NECAB2: variants seen among roughly 807,000 people sequenced by gnomAD.
NECAB2 encodes N-terminal EF-hand calcium binding protein 2, also known as N-terminal EF-hand calcium-binding protein 2.
In NECAB2, 68 loss-of-function variants were observed where a neutral mutation model predicts 51.9. That is an observed-to-expected ratio of 1.31 (90% CI 1.08 to 1.60). The LOEUF (loss-of-function observed/expected upper bound fraction) is 1.60. Among genes scored for constraint, NECAB2 ranks in the 40% most tolerant of loss-of-function variants. The probability of loss-of-function intolerance (pLI) is 0.00; values close to 1 mark genes in which losing one functional copy is unlikely to be tolerated. For missense variants in NECAB2, 854 were observed against 490.3 expected, an observed-to-expected ratio of 1.74 and a Z score of -7.00; for synonymous variants, 329 against 203.5, an observed-to-expected ratio of 1.62 and a Z score of -5.25.
In NECAB2 at chr16:83,994,397, A is replaced by T. The variant is rs1165737501; in HGVS notation, c.692A>T (p.Glu231Val). ...SAPNHKLMAM[E>V]QGKTLPSATE... ...CCCAACCACAAGCTCATGGCTATGG[A>T]ACAAGGCAAGACCCTTCCATCTGGT... Residue 231 changes from glutamate (E) to valine (V), a missense_variant, in exon 7 of 13, where the codon GAA (glutamate) becomes GTA (valine). Physicochemically the swap from Glu to Val is moderately radical, Grantham distance 121 (BLOSUM62 -2). Transcript: ENST00000305202. 4 of 1,614,054 alleles carry T rather than the reference A, an allele frequency of 2.5e-6. No homozygotes were observed. In the African/African-American group the frequency reaches 4.0e-5, roughly 16 times the overall value.
At position 83,989,316 on chromosome 16, in the gene NECAB2, C is replaced by T. The variant is rs73248803; in HGVS notation, c.460-1178C>T. 6.5e-3 allele frequency among the ~76,000 whole-genome samples: 983 copies of T among 152,312 alleles called. 7 individuals are homozygous for T. Among genetic ancestry groups the T allele is most frequent in the African/African-American group, 0.022 (902 of 41,566 alleles). On this transcript the variant is annotated intron_variant, in intron 5 of 12. Transcript: ENST00000305202. ...GGGTCTGTCCCCAGCAGACCCTGGT[C>T]TGGCTGTCGGCTTGGTGGCTTGGGT...
chr16:84,002,279 T>G, intron 12 of NECAB2, 39 bp from the exon 13 acceptor site: 1 of 1,612,048 alleles, frequency 6.2e-7, no homozygotes, highest in South Asian at 1.1e-5. Context: ...GCTGCCCACA[T>G]TCGCACTCCT....
intron 2 of NECAB2, 47 bp from the exon 3 acceptor site, chr16:83,978,397 C>T (rs1330939153): frequency 1.3e-6 from 2 of 1,543,082 alleles, no homozygotes; most frequent in Non-Finnish European, 1.8e-6. Context: ...CCCCACCAGC[C>T]TTATCTCTGC....
intron 5 of NECAB2, among the ~76,000 whole-genome samples, chr16:83,982,816 A>G (rs1414214637): frequency 1.3e-5 from 2 of 151,070 alleles, no homozygotes; most frequent in Admixed American, 1.3e-4. Context: ...CGTGGTGATG[A>G]TAGGTTGTTG....
chr16:83,974,365 T>G lies in NECAB2; in HGVS notation c.226+2190T>G, dbSNP rs919314133. Among the ~76,000 whole-genome samples, 335 of 152,270 alleles carry G rather than the reference T, an allele frequency of 2.2e-3. 3 individuals are homozygous for G. Among genetic ancestry groups the G allele is most frequent in the Non-Finnish European group, 1.6e-4 (11 of 68,022 alleles). ...CCTCAGAGGGCTGTCTGAGGATAGA[T>G]AGTTGCTCTCCTGGCTTCGCTCATT... On this transcript the variant is annotated intron_variant, in intron 2 of 12. Transcript: ENST00000305202.
chr16:83,985,728 G>A (rs576234309), intron 5 of NECAB2, among the ~76,000 whole-genome samples: 1 of 152,060 alleles, frequency 6.6e-6, no homozygotes, highest in East Asian at 1.9e-4. Flanking sequence ...AGCCTGTTAT[G>A]TTCTCATTTA....
chr16:83,986,499 C>G (rs749718329), intron 5 of NECAB2, among the ~76,000 whole-genome samples: 1 of 152,100 alleles, frequency 6.6e-6, no homozygotes, highest in Non-Finnish European at 1.5e-5. Flanking sequence ...GAGTGCCAGA[C>G]AAACTTCCTG....
Position 83,978,488 on chromosome 16 carries a change from G to C in NECAB2, c.271G>C (p.Asp91His), listed in dbSNP as rs1225534605. The change falls in exon 3 of 13, where the codon GAT becomes CAT. Residue 91 changes from aspartate (D) to histidine (H), a missense_variant. Coordinates refer to ENST00000305202, the MANE Select transcript of NECAB2 (RefSeq NM_019065.3). Reference sequence around the variant, plus strand: ...GGAGGAATTCCAGCTCTTCTTTGCAGATGGCGTCCTTAATGAGAAAGAACT... The same window carrying C: ...GGAGGAATTCCAGCTCTTCTTTGCACATGGCGTCCTTAATGAGAAAGAACT... ...SLEEFQLFFA[D>H]GVLNEKELED... is the part of the protein sequence containing the mutation. 6.2e-7 allele frequency: 1 copy of C among 1,614,028 alleles called. No homozygotes were observed. Among genetic ancestry groups the C allele is most frequent in the Admixed American group, 1.7e-5 (1 of 59,994 alleles).
At chr16:83,979,656 C>T (rs11641413) in intron 3 of NECAB2, among the ~76,000 whole-genome samples, 8,745 of 146,040 alleles carry the variant, frequency 0.06, 369 homozygotes, top group Non-Finnish European at 0.09. Context: ...CTTTCAGGGC[C>T]TTTTGTGTTA....
intron 9 of NECAB2, 45 bp from the exon 10 acceptor site, chr16:83,998,135 GGGCCTGATGGGGTGTTTAGGGAGAA>G: frequency 7.2e-7 from 1 of 1,380,204 alleles, no homozygotes; most frequent in South Asian, 1.2e-5. Context: ...GAGGTCATGG[GGGCCTGATGGGGTGTTTAGGGAGAA>G]GGCCTGACGT....
rs1389027278 is a variant in NECAB2, at chr16:84,002,428, T to C, written c.*82T>C. 15 of 1,516,506 alleles carry C rather than the reference T, an allele frequency of 9.9e-6. 1 individual carries two copies. The South Asian group carries it at 1.7e-4, about 17-fold the overall frequency. The allele number at this position is 1,516,506 out of a possible 1,614,324, so 93.9% of individuals were successfully genotyped here. A position where few individuals can be genotyped will look rare whatever the true frequency, so the allele number is the denominator to read the frequency against. ...TCCCGTTTTTTTCTAGACAGACACTTTGGTGCAGAAGCTTCTTTTCAATCC... is the reference window on the plus strand; with the variant it reads ...TCCCGTTTTTTTCTAGACAGACACTCTGGTGCAGAAGCTTCTTTTCAATCC... On this transcript the variant is annotated 3_prime_UTR_variant, in exon 13 of 13. Coordinates refer to ENST00000305202, the MANE Select transcript of NECAB2 (RefSeq NM_019065.3).
chr16:83,965,738 G>T (rs1268159121), upstream of NECAB2: 2 of 1,613,646 alleles, frequency 1.2e-6, no homozygotes, highest in East Asian at 4.5e-5. Context: ...GGTGTTTGGG[G>T]TCTCCCTGGT....
At position 83,994,756 on chromosome 16, in the gene NECAB2, A is replaced by G. The variant is rs937164380; in HGVS notation, c.795+68A>G. On this transcript the variant is annotated intron_variant, in intron 8 of 12. Coordinates refer to ENST00000305202, the MANE Select transcript of NECAB2 (RefSeq NM_019065.3). ...TGAGGGAGTGCAGAGTTAAGCCTGGAGTTCAGGACAAAAGTCTGGGCTGCA... is the reference window on the plus strand; with the variant it reads ...TGAGGGAGTGCAGAGTTAAGCCTGGGGTTCAGGACAAAAGTCTGGGCTGCA... 8 of 1,557,990 alleles carry G rather than the reference A, an allele frequency of 5.1e-6. No individual in the cohort carries two copies. The East Asian group carries it at 6.8e-5, about 13-fold the overall frequency.
intron 11 of NECAB2, among the ~76,000 whole-genome samples, chr16:84,001,506 C>G (rs2084834853): frequency 6.6e-6 from 1 of 152,126 alleles, no homozygotes; most frequent in Non-Finnish European, 1.5e-5. Context: ...TTCGCAGCTT[C>G]TGTGTTGTCA....
chr16:83,989,540 G>T lies in NECAB2; in HGVS notation c.460-954G>T, dbSNP rs146424623. Among the ~76,000 whole-genome samples the T allele has an allele frequency of 1.5e-3, 224 of 152,312 alleles. 2 individuals carry two copies. Among genetic ancestry groups the T allele is most frequent in the African/African-American group, 5.3e-3 (221 of 41,562 alleles). On this transcript the variant is annotated intron_variant, in intron 5 of 12. Transcript: ENST00000305202. ...GCCAGGGACTGGGCAGAAATCCAAGGTGCCTGGGGCAGGTGGCTTGGGAAG... is the reference window on the plus strand; with the variant it reads ...GCCAGGGACTGGGCAGAAATCCAAGTTGCCTGGGGCAGGTGGCTTGGGAAG...
chr16:83,992,383 C>G (rs958456045), intron 6 of NECAB2, among the ~76,000 whole-genome samples: 15 of 145,472 alleles, frequency 1.0e-4, no homozygotes, highest in Admixed American at 3.4e-4. Context: ...CCCGTCCCCC[C>G]GCCCACCTCC....
At chr16:83,969,254 C>T (rs1004440624) in intron 1 of NECAB2, among the ~76,000 whole-genome samples, 1 of 152,092 alleles carries the variant, frequency 6.6e-6, no homozygotes, top group South Asian at 2.1e-4. Flanking sequence ...CTGTCCGGAG[C>T]GATACTTTTC....
At chr16:84,001,390 G>A (rs148784933) in intron 11 of NECAB2, among the ~76,000 whole-genome samples, 4 of 152,130 alleles carry the variant, frequency 2.6e-5, no homozygotes, top group East Asian at 1.9e-4. Context: ...CTCACGGTTT[G>A]CTGACAAACT....
chr16:83,984,097 G>A lies in NECAB2; in HGVS notation c.459+2970G>A, dbSNP rs192399300. 3.0e-4 allele frequency among the ~76,000 whole-genome samples: 45 copies of A among 147,788 alleles called. No individual in the cohort carries two copies. The East Asian group carries it at 8.1e-3, about 27-fold the overall frequency. ...TGCCAGCTCCGCCTCCCGGGTTCAC[G>A]CCATTCTCCTGCTTCAGCCTCCCGA... On this transcript the variant is annotated intron_variant, in intron 5 of 12. Coordinates refer to ENST00000305202, the MANE Select transcript of NECAB2 (RefSeq NM_019065.3).
Sources: gnomAD v4.1 joint callset for allele counts (sites outside exome capture counted in the v4.1 genomes callset) on GRCh38, gnomAD v4.1.1 for gene constraint, MANE v1.5 for transcripts, NCBI Gene and HGNC (gene_info 2026-07-23, HGNC 2026-07-21) for gene names.